The following PRKN variants were observed in gnomAD, a reference collection of about 807,000 sequenced individuals.
The protein encoded by PRKN is E3 ubiquitin-protein ligase parkin.
In PRKN, 56 loss-of-function variants were observed where a neutral mutation model predicts 59.5. The observed-to-expected ratio is 0.94, with a 90% CI of 0.76 to 1.18. The LOEUF (loss-of-function observed/expected upper bound fraction) is 1.18, where lower values mean the gene tolerates loss of function less well. Among genes scored for constraint, PRKN ranks in the 50% most tolerant of loss-of-function variants. The pLI is 0.00. For synonymous variants in PRKN, 250 were observed against 222.1 expected, an observed-to-expected ratio of 1.13 and a Z score of -1.12; for missense variants, 657 against 596.4, an observed-to-expected ratio of 1.10 and a Z score of -1.06.
chr6:161,879,428 A>G (rs567242221), intron 6 of PRKN, among the ~76,000 whole-genome samples: 2 of 148,990 alleles, frequency 1.3e-5, no homozygotes, highest in Non-Finnish European at 3.0e-5. Flanking sequence ...GCTCACTGCA[A>G]CCTCCGCCTT....
chr6:162,635,753 C>T (rs1207169418), intron 1 of PRKN, among the ~76,000 whole-genome samples: 1 of 152,102 alleles, frequency 6.6e-6, no homozygotes, highest in East Asian at 1.9e-4. Context: ...TGATGATTAA[C>T]AGCCTCTGAT....
At chr6:161,714,574 G>C (rs938140860) in intron 7 of PRKN, among the ~76,000 whole-genome samples, 3 of 152,134 alleles carry the variant, frequency 2.0e-5, no homozygotes, top group Non-Finnish European at 4.4e-5. Flanking sequence ...CCAGTCTGTG[G>C]CATTTTGTTG....
At chr6:162,225,886 G>GTA (rs58925653) in intron 3 of PRKN, among the ~76,000 whole-genome samples, 12,715 of 143,034 alleles carry the variant, frequency 0.089, 583 homozygotes, top group African/African-American at 0.11. Context: ...ATGTAGGGCT[G>GTA]TATATATATA....
chr6:161,957,422 TTGTTTGTTTGTTTG>T lies in PRKN; in HGVS notation c.734+15866_734+15879del, dbSNP rs1223448737. Among the ~76,000 whole-genome samples, 869 of 103,062 alleles carry T rather than the reference TTGTTTGTTTGTTTG, an allele frequency of 8.4e-3. 22 individuals carry two copies. The highest frequency in any genetic ancestry group is 0.035 in the African/African-American group (845 of 24,254). 67.6% of individuals were successfully genotyped at this position (103,062 alleles called of 152,430 possible). ...GTTGTTCTTGTTGTTTTTTTTTTGT[TTGTTTGTTTGTTTG>T]TTTTTTTGAGCCAGAGTCTCACTCT... On this transcript the variant is annotated intron_variant, in intron 6 of 11. Coordinates refer to ENST00000366898, the MANE Select transcript of PRKN (RefSeq NM_004562.3).
chr6:161,471,789 T>C lies in PRKN; in HGVS notation c.1083+77065A>G, dbSNP rs1208040209. 1.3e-5 allele frequency among the ~76,000 whole-genome samples: 2 copies of C among 152,186 alleles called. No homozygotes were observed. The highest frequency in any genetic ancestry group is 2.9e-5 in the Non-Finnish European group (2 of 68,032). On this transcript the variant is annotated intron_variant, in intron 9 of 11. Coordinates refer to ENST00000366898, the MANE Select transcript of PRKN (RefSeq NM_004562.3). This position sits in a 1 kb window ranked among gnomAD's most constrained non-coding sequence, Gnocchi z 4.5. ...GAGTTATAGCTTAACAGAACATGTG[T>C]CATAAAGATAATTAACATACAATAA...
chr6:161,418,460 C>T (rs962193753), intron 9 of PRKN, among the ~76,000 whole-genome samples: 2 of 152,152 alleles, frequency 1.3e-5, no homozygotes, highest in Non-Finnish European at 2.9e-5. Context: ...CTTTTTAACT[C>T]CAGTGTTGGT....
In PRKN at chr6:161,584,924, T is replaced by G. The variant is rs1178267953; in HGVS notation, c.872-15508A>C. On this transcript the variant is annotated intron_variant, in intron 7 of 11. Transcript: ENST00000366898. This position sits in a 1 kb window ranked among gnomAD's most constrained non-coding sequence, Gnocchi z 4.8. Reference sequence around the variant, plus strand: ...GATGGCTGTATTAGCAATGCAGTGCTATTTCATAAAGAATGCATTGCTTCA... The same window carrying G: ...GATGGCTGTATTAGCAATGCAGTGCGATTTCATAAAGAATGCATTGCTTCA... 1.3e-5 allele frequency among the ~76,000 whole-genome samples: 2 copies of G among 152,242 alleles called. No homozygotes were observed. The highest frequency in any genetic ancestry group is 1.3e-4 in the Admixed American group (2 of 15,290).
chr6:162,148,434 A>G (rs1343074216), intron 4 of PRKN, among the ~76,000 whole-genome samples: 1 of 152,154 alleles, frequency 6.6e-6, no homozygotes, highest in East Asian at 1.9e-4. Flanking sequence ...AGAAAACTAA[A>G]CTATCAAGAT....
intron 1 of PRKN, among the ~76,000 whole-genome samples, chr6:162,629,646 G>A (rs2128222322): frequency 6.6e-6 from 1 of 152,228 alleles, no homozygotes; most frequent in South Asian, 2.1e-4. Context: ...AAGTCTGGTA[G>A]CCTACGACAC....
chr6:162,197,879 G>A (rs1283286543), intron 4 of PRKN, among the ~76,000 whole-genome samples: 10 of 152,104 alleles, frequency 6.6e-5, no homozygotes, highest in East Asian at 3.9e-4. Flanking sequence ...TACTTGATTC[G>A]TGTCTTTCTA....
rs1415674860 is a variant in PRKN, at chr6:162,569,250, A to G, written c.8-125777T>C. 6 of 581,502 alleles carry G rather than the reference A, an allele frequency of 1.0e-5. No individual in the cohort carries two copies. In the Admixed American group the frequency reaches 1.4e-4, roughly 13 times the overall value. 36.0% of individuals were successfully genotyped at this position (581,502 alleles called of 1,614,324 possible). On this transcript the variant is annotated intron_variant, in intron 1 of 11. Coordinates refer to ENST00000366898, the MANE Select transcript of PRKN (RefSeq NM_004562.3). ...CCCCAGGCTGAGACTGAGGGCCTCA[A>G]AAGCCAGAGGGCTTCCCTGGAGGCC... is the stretch of plus-strand genomic sequence containing the variant.
intron 6 of PRKN, among the ~76,000 whole-genome samples, chr6:161,886,665 C>T (rs1305513316): frequency 6.6e-6 from 1 of 151,374 alleles, no homozygotes; most frequent in Non-Finnish European, 1.5e-5. Context: ...CCACTGCACT[C>T]TAGCCTGGGC....
chr6:162,709,069 C>G (rs1051598657), intron 1 of PRKN, among the ~76,000 whole-genome samples: 1 of 152,036 alleles, frequency 6.6e-6, no homozygotes, highest in Non-Finnish European at 1.5e-5. Flanking sequence ...GAATCTAATG[C>G]CTGATGATCT....
In PRKN at chr6:162,043,247, G is replaced by A. The variant is rs563857670; in HGVS notation, c.618+10844C>T. The stretch of plus-strand genomic sequence containing the variant: ...GGGAATTTTGGGAGACACAATTCAA[G>A]CTGAGATTTGGGTGGGGATATAGCC... On this transcript the variant is annotated intron_variant, in intron 5 of 11. Transcript: ENST00000366898. 3.9e-5 allele frequency among the ~76,000 whole-genome samples: 6 copies of A among 152,314 alleles called. No homozygotes were observed. In the South Asian group the frequency reaches 1.2e-3, roughly 32 times the overall value.
At position 161,446,071 on chromosome 6, in the gene PRKN, G is replaced by C. The variant is rs1789476375; in HGVS notation, c.1084-59194C>G. Among the ~76,000 whole-genome samples the C allele has an allele frequency of 6.9e-6, 1 of 144,428 alleles. No individual in the cohort carries two copies. The highest frequency in any genetic ancestry group is 6.8e-5 in the Admixed American group (1 of 14,692). 94.8% of individuals were successfully genotyped at this position (144,428 alleles called of 152,430 possible). ...ATATAAAACTTAGCTGGGTGTGGTG[G>C]CACATGCCTATGGTCCCAGGTATCT... On this transcript the variant is annotated intron_variant, in intron 9 of 11. Transcript: ENST00000366898. This position sits in a 1 kb window ranked among gnomAD's most constrained non-coding sequence, Gnocchi z 6.2.
At position 161,376,708 on chromosome 6, in the gene PRKN, C is replaced by T. The variant is rs1582992272; in HGVS notation, c.1167+10086G>A. ...TGGATGCGAAGGGCTCACCTCTAGCCTCCTACCTCTGGCTCCCCTCAGTCT... is the reference window on the plus strand; with the variant it reads ...TGGATGCGAAGGGCTCACCTCTAGCTTCCTACCTCTGGCTCCCCTCAGTCT... On this transcript the variant is annotated intron_variant, in intron 10 of 11. Coordinates refer to ENST00000366898, the MANE Select transcript of PRKN (RefSeq NM_004562.3). This position sits in a 1 kb window ranked among gnomAD's most constrained non-coding sequence, Gnocchi z 7.3. Among the ~76,000 whole-genome samples the T allele has an allele frequency of 6.6e-6, 1 of 152,210 alleles. No homozygotes were observed. Among genetic ancestry groups the T allele is most frequent in the Non-Finnish European group, 1.5e-5 (1 of 68,046 alleles).
Position 162,075,149 on chromosome 6 carries a change from A to C in PRKN, c.535-20975T>G, listed in dbSNP as rs1778765806. On this transcript the variant is annotated intron_variant, in intron 4 of 11. Transcript: ENST00000366898. ...ATTAGAGGCAGTTTCAGGCAGCAAA[A>C]TATGTTTCTAGCTGTTGAGATGGTA... Among the ~76,000 whole-genome samples, 7 of 152,274 alleles carry C rather than the reference A, an allele frequency of 4.6e-5. No individual in the cohort carries two copies. The South Asian group carries it at 1.4e-3, about 32-fold the overall frequency.
rs189801115 is a variant in PRKN, at chr6:161,548,289, T to C, written c.1083+565A>G. ...CATTTGAAAAGCCGGCCAGGTCACA[T>C]GGTTTGACCTCTTAGAACAAACATT... On this transcript the variant is annotated intron_variant, in intron 9 of 11. Coordinates refer to ENST00000366898, the MANE Select transcript of PRKN (RefSeq NM_004562.3). The surrounding 1 kb of genome is among the most constrained non-coding windows in gnomAD (Gnocchi z 4.2). Among the ~76,000 whole-genome samples the C allele has an allele frequency of 7.9e-5, 12 of 152,360 alleles. No individual in the cohort carries two copies. Among genetic ancestry groups the C allele is most frequent in the Middle Eastern group, 3.4e-3 (1 of 294 alleles).
intron 6 of PRKN, among the ~76,000 whole-genome samples, chr6:161,972,595 T>C (rs1331116084): frequency 1.3e-5 from 2 of 151,958 alleles, no homozygotes; most frequent in African/African-American, 4.8e-5. Context: ...GGTCCCAAAC[T>C]AGCTACTTGC....
Sources: gnomAD v4.1 joint callset for allele counts (sites outside exome capture counted in the v4.1 genomes callset) on GRCh38, gnomAD v4.1.1 for gene constraint, Gnocchi (gnomAD v3.1) non-coding constraint, MANE v1.5 for transcripts, NCBI Gene and HGNC (gene_info 2026-07-23, HGNC 2026-07-21) for gene names.